The following CCT5 variants were observed in gnomAD, a reference collection of about 807,000 sequenced individuals.
The protein encoded by CCT5 is T-complex protein 1 subunit epsilon.
Under a neutral mutation model 55.0 loss-of-function variants are expected in CCT5, and 6 were observed. That is an observed-to-expected ratio of 0.11 (90% CI 0.06 to 0.22). The LOEUF (loss-of-function observed/expected upper bound fraction) is 0.22. CCT5 is among the 10% of genes least tolerant of loss of function. The probability of loss-of-function intolerance (pLI) is 1.00; values close to 1 mark genes in which losing one functional copy is unlikely to be tolerated. For synonymous variants in CCT5, 231 were observed against 243.7 expected (o/e 0.95, Z 0.49); for missense variants, 560 against 694.6 (o/e 0.81, Z 2.18).
At chr5:10,250,869 T>C in intron 1 of CCT5, 1 of 1,045,838 alleles carries the variant, frequency 9.6e-7, no homozygotes, top group South Asian at 3.3e-5. Flanking sequence ...CAACGGCCCT[T>C]CCGTTTTCTT....
chr5:10,254,293 T>C, intron 2 of CCT5, 88 bp downstream of exon 2: 1 of 962,914 alleles, frequency 1.0e-6, no homozygotes, highest in Non-Finnish European at 1.7e-6. Flanking sequence ...GGTGGAGTAT[T>C]GAGGGGAGGC....
Position 10,254,678 on chromosome 5 carries a change from T to C in CCT5, c.171T>C (p.Leu57=), listed in dbSNP as rs1346749675. ...TMRTSLGPNG[L]DKMMVDKDGD... Reference sequence around the variant, plus strand: ...CTACTAAACGTTGTTTTTTAGGGCTTGATAAGATGATGGTGGATAAGGATG... The same window carrying C: ...CTACTAAACGTTGTTTTTTAGGGCTCGATAAGATGATGGTGGATAAGGATG... Residue 57 remains leucine, a synonymous_variant, in exon 3 of 11, where the codon CTT becomes CTC. Transcript: ENST00000280326. 1.5e-5 allele frequency: 25 copies of C among 1,613,868 alleles called. No homozygotes were observed. Among genetic ancestry groups the C allele is most frequent in the Non-Finnish European group, 2.1e-5 (25 of 1,179,826 alleles).
chr5:10,254,167 C>T lies in CCT5; in HGVS notation c.128C>T (p.Ala43Val). 6.2e-7 allele frequency: 1 copy of T among 1,610,034 alleles called. No homozygotes were observed. The highest frequency in any genetic ancestry group is 8.5e-7 in the Non-Finnish European group (1 of 1,176,404). The change falls in exon 2 of 11, where the codon GCT (alanine) becomes GTT (valine). Residue 43 changes from alanine (A) to valine (V), a missense_variant. Ala to Val is a moderately conservative substitution (Grantham distance 64). This residue lies in a region of CCT5 where 137 missense variants were observed against 181.9 expected (regional missense o/e 0.75). Transcript: ENST00000280326. Reference sequence around the variant, plus strand: ...TAGTCTCATATAATGGCAGCAAAGGCTGTAGCAAATACAATGAGAACATCA... The same window carrying T: ...TAGTCTCATATAATGGCAGCAAAGGTTGTAGCAAATACAATGAGAACATCA... ...ALKSHIMAAK[A>V]VANTMRTSLG...
At chr5:10,260,948 G>C in intron 7 of CCT5, 37 bp downstream of exon 7, 10 of 1,611,498 alleles carry the variant, frequency 6.2e-6, no homozygotes, top group Non-Finnish European at 8.5e-6. Context: ...TGAGAAGTAG[G>C]GGTTCATCTT....
intron 10 of CCT5, among the ~76,000 whole-genome samples, chr5:10,264,118 C>CA (rs11396924): frequency 0.92 from 139,329 of 151,762 alleles, 64,128 homozygotes; most frequent in African/African-American, 0.97. Flanking sequence ...ACAAAAAATA[C>CA]AAAATTAGCC....
intron 1 of CCT5, chr5:10,250,789 G>A: frequency 8.5e-7 from 1 of 1,173,874 alleles, no homozygotes; most frequent in Non-Finnish European, 1.1e-6. Context: ...TCCAGTGGGA[G>A]GGCGCCGGGG....
At chr5:10,250,000 G>C (rs1745281803), upstream of CCT5, 1 of 1,474,786 alleles carries the variant, frequency 6.8e-7, no homozygotes, top group South Asian at 1.2e-5. Flanking sequence ...AGTGCTTTAA[G>C]TCAATGAATT....
intron 4 of CCT5, 197 bp from the exon 5 acceptor site, chr5:10,257,914 G>A: frequency 3.2e-6 from 2 of 625,078 alleles, no homozygotes. Flanking sequence ...TAAGTATACA[G>A]TCCCCTTTAG....
chr5:10,257,769 T>C (rs1434391365), intron 4 of CCT5: 2 of 361,318 alleles, frequency 5.5e-6, no homozygotes, highest in African/African-American at 2.1e-5. Flanking sequence ...ATAGTAACAG[T>C]ATTCTGTAAA....
chr5:10,249,921 A>C (rs770628184), upstream of CCT5: 40 of 1,437,212 alleles, frequency 2.8e-5, no homozygotes, highest in Non-Finnish European at 3.5e-5. Context: ...AAAAAAAAAA[A>C]AAAAAAAAAA....
chr5:10,253,297 C>G (rs1561044269), intron 1 of CCT5, among the ~76,000 whole-genome samples: 1 of 150,526 alleles, frequency 6.6e-6, no homozygotes, highest in East Asian at 2.0e-4. Context: ...CCACTGCACT[C>G]CAGCCTTTTT....
intron 1 of CCT5, chr5:10,250,665 C>T: frequency 2.1e-6 from 3 of 1,407,842 alleles, no homozygotes; most frequent in Non-Finnish European, 2.8e-6. Context: ...CCAGGCTGGG[C>T]CGCCAGCGCC....
intron 10 of CCT5, among the ~76,000 whole-genome samples, chr5:10,263,767 T>A (rs1012814863): frequency 6.6e-6 from 1 of 152,068 alleles, no homozygotes; most frequent in Non-Finnish European, 1.5e-5. Flanking sequence ...CAAAAAGATA[T>A]GGTGGCTGTA....
At chr5:10,250,121 A>G, upstream of CCT5, 2 of 1,534,198 alleles carry the variant, frequency 1.3e-6, no homozygotes, top group Non-Finnish European at 1.7e-6. Context: ...GTGTCTTCAA[A>G]CCTCCCCCTC....
Position 10,259,226 on chromosome 5 carries a change from A to G in CCT5, c.873+691A>G, listed in dbSNP as rs935797129. 4.6e-5 allele frequency among the ~76,000 whole-genome samples: 7 copies of G among 152,238 alleles called. 1 individual carries two copies. Among genetic ancestry groups the G allele is most frequent in the Admixed American group, 1.3e-4 (2 of 15,286 alleles). On this transcript the variant is annotated intron_variant, in intron 6 of 10. Coordinates refer to ENST00000280326, the MANE Select transcript of CCT5 (RefSeq NM_012073.5). The stretch of plus-strand genomic sequence containing the variant: ...GCTCAGTTAAGTCTAGTTTGGGTTC[A>G]TGAATACCTTAGCGTAGGTGTGCTT...
Position 10,260,728 on chromosome 5 carries a change from A to C in CCT5, c.874-64A>C, listed in dbSNP as rs748044689. 1.9e-6 allele frequency: 3 copies of C among 1,592,136 alleles called. No individual in the cohort carries two copies. In the African/African-American group the frequency reaches 4.0e-5, roughly 21 times the overall value. ...CCCAACTGTGCCTCTCCTTTTTTCAAACATTGTAATGAAGAATAAATACCC... is the reference window on the plus strand; with the variant it reads ...CCCAACTGTGCCTCTCCTTTTTTCACACATTGTAATGAAGAATAAATACCC... On this transcript the variant is annotated intron_variant, in intron 6 of 10. Coordinates refer to ENST00000280326, the MANE Select transcript of CCT5 (RefSeq NM_012073.5).
At chr5:10,261,434 C>A in intron 7 of CCT5, 126 bp from the exon 8 acceptor site, 1 of 879,884 alleles carries the variant, frequency 1.1e-6, no homozygotes. Context: ...ATGTCTCGGT[C>A]AAAGTGGGGC....
At chr5:10,250,274 G>C, upstream of CCT5, 2 of 1,610,390 alleles carry the variant, frequency 1.2e-6, no homozygotes, top group South Asian at 2.2e-5. Flanking sequence ...CCCGAGAAAG[G>C]GAAGTGCATT....
At chr5:10,259,004 T>C (rs1745819839) in intron 6 of CCT5, among the ~76,000 whole-genome samples, 1 of 152,118 alleles carries the variant, frequency 6.6e-6, no homozygotes, top group Non-Finnish European at 1.5e-5. Context: ...AAAAAAATGG[T>C]AGTGTGTTCA....
Sources: allele counts gnomAD v4.1 joint callset (sites outside exome capture counted in the v4.1 genomes callset), GRCh38; gene constraint gnomAD v4.1.1; regional missense constraint gnomAD v4.1.1; transcripts MANE v1.5; gene names NCBI Gene and HGNC (gene_info 2026-07-23, HGNC 2026-07-21).